Variants in IKBKB-DT observed in about 807,000 individuals in gnomAD.
The protein encoded by IKBKB-DT is IKBKB divergent transcript, also known as IKBKB antisense RNA.
rs1015270421 is a variant in IKBKB-DT, at chr8:42,271,240, G to A, written n.14C>T. ...GACAGGCGCAGCACTCGCAGCATCC[G>A]GACCTGGTCTGCCTCGCGCCGGGAG... On this transcript the variant is annotated non_coding_transcript_exon_variant, in exon 1 of 4. Transcript: ENST00000518213. 15 of 678,228 alleles carry A rather than the reference G, an allele frequency of 2.2e-5. No individual in the cohort carries two copies. In the African/African-American group the frequency reaches 2.7e-4, roughly 12 times the overall value. The allele number at this position is 678,228 out of a possible 1,614,324, so 42.0% of individuals were successfully genotyped here.
Position 42,241,468 on chromosome 8 carries a change from G to A in IKBKB-DT, n.1530-7609C>T, listed in dbSNP as rs143961106. Among the ~76,000 whole-genome samples the A allele has an allele frequency of 3.3e-3, 493 of 151,692 alleles. 4 individuals are homozygous for A. Among genetic ancestry groups the A allele is most frequent in the Non-Finnish European group, 4.6e-3 (310 of 67,928 alleles). On this transcript the variant is annotated intron_variant and non_coding_transcript_variant, in intron 3 of 3. Transcript: ENST00000518213. ...CTGAAATTTATATTTTAAACTTTTC[G>A]TACACTTTACTGCTTCTAGTTTCAA... is the stretch of plus-strand genomic sequence containing the variant.
intron 3 of IKBKB-DT, among the ~76,000 whole-genome samples, chr8:42,235,562 C>A (rs1806909228): frequency 1.3e-5 from 2 of 152,086 alleles, no homozygotes; most frequent in Admixed American, 6.6e-5. Context: ...CCAGATGGCC[C>A]CACCCAGGAA....
At chr8:42,267,037 G>A (rs1426483308) in intron 1 of IKBKB-DT, among the ~76,000 whole-genome samples, 1 of 129,462 alleles carries the variant, frequency 7.7e-6, no homozygotes, top group East Asian at 2.2e-4. Context: ...GTCTCGCTCT[G>A]TCGCCCAGGT....
rs914812466 is a variant in IKBKB-DT, at chr8:42,245,154, C to T, written n.1530-11295G>A. Reference sequence around the variant, plus strand: ...CCTGCAGTCCCAGCTACTCAGGAGGCTGAGGCAGGGGAATCGCTTGAACCC... The same window carrying T: ...CCTGCAGTCCCAGCTACTCAGGAGGTTGAGGCAGGGGAATCGCTTGAACCC... On this transcript the variant is annotated intron_variant and non_coding_transcript_variant, in intron 3 of 3. Coordinates refer to ENST00000518213, the Ensembl canonical transcript of IKBKB-DT. Among the ~76,000 whole-genome samples the T allele has an allele frequency of 1.6e-4, 25 of 152,140 alleles. No homozygotes were observed. In the East Asian group the frequency reaches 4.8e-3, roughly 29 times the overall value.
At chr8:42,235,358 C>T (rs1330070456) in intron 3 of IKBKB-DT, among the ~76,000 whole-genome samples, 1 of 151,892 alleles carries the variant, frequency 6.6e-6, no homozygotes, top group African/African-American at 2.4e-5. Context: ...GTGTACACCA[C>T]CACGCCCAGC....
intron 3 of IKBKB-DT, among the ~76,000 whole-genome samples, chr8:42,253,094 G>T (rs1807151116): frequency 6.6e-6 from 1 of 152,158 alleles, no homozygotes; most frequent in Admixed American, 6.6e-5. Flanking sequence ...TTAAAGATCT[G>T]AATAGGAAAA....
At position 42,251,437 on chromosome 8, in the gene IKBKB-DT, A is replaced by C. The variant is rs151007922; in HGVS notation, n.1529+11892T>G. Among the ~76,000 whole-genome samples, 231 of 152,326 alleles carry C rather than the reference A, an allele frequency of 1.5e-3. 2 individuals carry two copies. Among genetic ancestry groups the C allele is most frequent in the African/African-American group, 5.0e-3 (208 of 41,566 alleles). ...GAAGTTGCTTACGGAAGGTTTAAGG[A>C]AGCAATAACATGTCCATATAAGGAA... On this transcript the variant is annotated intron_variant and non_coding_transcript_variant, in intron 3 of 3. Coordinates refer to ENST00000518213, the Ensembl canonical transcript of IKBKB-DT.
chr8:42,268,152 T>C (rs948789884), intron 1 of IKBKB-DT, among the ~76,000 whole-genome samples: 54 of 147,996 alleles, frequency 3.6e-4, no homozygotes, highest in Admixed American at 1.9e-3. Flanking sequence ...TTTTTTTTTT[T>C]AGATGGAGTT....
At chr8:42,244,364 G>A (rs1167763343) in intron 3 of IKBKB-DT, among the ~76,000 whole-genome samples, 1 of 152,136 alleles carries the variant, frequency 6.6e-6, no homozygotes, top group Non-Finnish European at 1.5e-5. Flanking sequence ...ATAAGGGAGG[G>A]GGCTTCCCGG....
intron 3 of IKBKB-DT, among the ~76,000 whole-genome samples, chr8:42,262,292 AAAAT>A (rs1468819832): frequency 2.6e-5 from 4 of 151,216 alleles, no homozygotes; most frequent in Admixed American, 1.3e-4. Context: ...TAATAAAAAA[AAAAT>A]AAATAAAAGA....
intron 1 of IKBKB-DT, among the ~76,000 whole-genome samples, chr8:42,268,357 G>C (rs1261619994): frequency 4.6e-5 from 7 of 151,596 alleles, no homozygotes; most frequent in Non-Finnish European, 1.0e-4. Flanking sequence ...GGATGGTCTT[G>C]ATCTCCTGAC....
At chr8:42,252,939 C>A (rs1278881135) in intron 3 of IKBKB-DT, among the ~76,000 whole-genome samples, 1 of 152,146 alleles carries the variant, frequency 6.6e-6, no homozygotes, top group South Asian at 2.1e-4. Context: ...AAACATGTTT[C>A]TTTGCCATAT....
At chr8:42,240,540 G>T (rs1305511580) in intron 3 of IKBKB-DT, among the ~76,000 whole-genome samples, 1 of 145,990 alleles carries the variant, frequency 6.8e-6, no homozygotes, top group Non-Finnish European at 1.5e-5. Context: ...CAGGAGAATG[G>T]TGTGAACCCG....
intron 3 of IKBKB-DT, among the ~76,000 whole-genome samples, chr8:42,240,149 A>C (rs1726958039): frequency 6.6e-6 from 1 of 152,020 alleles, no homozygotes; most frequent in Non-Finnish European, 1.5e-5. Flanking sequence ...AATTTGAAAA[A>C]TTAAAGATGG....
chr8:42,262,665 T>C (rs1807307274), intron 3 of IKBKB-DT, among the ~76,000 whole-genome samples: 1 of 152,026 alleles, frequency 6.6e-6, no homozygotes, highest in Admixed American at 6.6e-5. Flanking sequence ...GGTCTCGATC[T>C]CCTGACCTCG....
chr8:42,240,971 T>C (rs939725735), intron 3 of IKBKB-DT, among the ~76,000 whole-genome samples: 9 of 151,734 alleles, frequency 5.9e-5, no homozygotes, highest in East Asian at 5.8e-4. Flanking sequence ...CAAGACTCCG[T>C]CTCAAAAAAA....
At chr8:42,255,776 A>G (rs574732739) in intron 3 of IKBKB-DT, among the ~76,000 whole-genome samples, 1 of 152,314 alleles carries the variant, frequency 6.6e-6, no homozygotes, top group African/African-American at 2.4e-5. Context: ...CTGTAATCCC[A>G]GCACTTTGGG....
At chr8:42,267,675 A>C (rs548290343) in intron 1 of IKBKB-DT, among the ~76,000 whole-genome samples, 17 of 152,298 alleles carry the variant, frequency 1.1e-4, no homozygotes, top group African/African-American at 4.1e-4. Context: ...AAGCAGGAAG[A>C]AAAGGGGACA....
In IKBKB-DT at chr8:42,262,862, C is replaced by A. The variant is rs186436794; in HGVS notation, n.1529+467G>T. On this transcript the variant is annotated intron_variant and non_coding_transcript_variant, in intron 3 of 3. Coordinates refer to ENST00000518213, the Ensembl canonical transcript of IKBKB-DT. Reference sequence around the variant, plus strand: ...CTAGTGATCCTCCTGCCTCAGCCTCCTGAGTAGCTGGGACTACAGGCGAAC... The same window carrying A: ...CTAGTGATCCTCCTGCCTCAGCCTCATGAGTAGCTGGGACTACAGGCGAAC... Among the ~76,000 whole-genome samples the A allele has an allele frequency of 5.1e-4, 77 of 152,286 alleles. No homozygotes were observed. In the East Asian group the frequency reaches 0.01, roughly 20 times the overall value.
Sources: allele counts gnomAD v4.1 joint callset (sites outside exome capture counted in the v4.1 genomes callset), GRCh38; gene constraint gnomAD v4.1.1; transcripts MANE v1.5; gene names NCBI Gene and HGNC (gene_info 2026-07-23, HGNC 2026-07-21).